The following ANO6 variants were observed in gnomAD, a reference collection of about 807,000 sequenced individuals.
ANO6 encodes anoctamin-6.
ANO6 carries 106 observed loss-of-function variants against 117.5 expected under a neutral mutation model. That is an observed-to-expected ratio of 0.90 (90% CI 0.77 to 1.06). The LOEUF is 1.06. ANO6 is among the 50% of genes least tolerant of loss of function. The pLI, the probability that ANO6 is intolerant of heterozygous loss-of-function variation, is 0.00. For missense variants in ANO6, 955 were observed against 1,121.1 expected (o/e 0.85, Z 2.12); for synonymous variants, 367 against 385.1 (o/e 0.95, Z 0.55).
chr12:45,299,575 G>T (rs1033438703), intron 1 of ANO6, among the ~76,000 whole-genome samples: 1 of 152,116 alleles, frequency 6.6e-6, no homozygotes, highest in African/African-American at 2.4e-5. Flanking sequence ...AATCCAGGCC[G>T]GAAGCGGTGA....
At chr12:45,222,565 A>G (rs1211145301) in intron 1 of ANO6, among the ~76,000 whole-genome samples, 1 of 152,164 alleles carries the variant, frequency 6.6e-6, no homozygotes, top group Non-Finnish European at 1.5e-5. Context: ...GCTTATAACT[A>G]CCATAACTCT....
At chr12:45,349,861 T>C (rs1362778043) in intron 6 of ANO6, among the ~76,000 whole-genome samples, 1 of 152,222 alleles carries the variant, frequency 6.6e-6, no homozygotes, top group Non-Finnish European at 1.5e-5. Context: ...CACTTGCAAA[T>C]AGCTGTCACG....
At chr12:45,367,972 A>G (rs1941729082) in intron 9 of ANO6, among the ~76,000 whole-genome samples, 179 bp downstream of exon 9, 2 of 152,232 alleles carry the variant, frequency 1.3e-5, no homozygotes, top group Non-Finnish European at 1.5e-5. Flanking sequence ...ACAAATAATA[A>G]AATTGTGATT....
At chr12:45,351,766 C>T (rs7971106) in intron 7 of ANO6, among the ~76,000 whole-genome samples, 4,928 of 152,170 alleles carry the variant, frequency 0.032, 242 homozygotes, top group African/African-American at 0.11. Flanking sequence ...AGAAACAGAG[C>T]AAGACATGAA....
chr12:45,220,362 A>T (rs577697475), intron 1 of ANO6, among the ~76,000 whole-genome samples: 1 of 152,300 alleles, frequency 6.6e-6, no homozygotes, highest in East Asian at 1.9e-4. Flanking sequence ...TTGAGAGATA[A>T]TGATCCAGCT....
chr12:45,359,717 T>G (rs1342363016), intron 8 of ANO6, among the ~76,000 whole-genome samples: 1 of 152,252 alleles, frequency 6.6e-6, no homozygotes, highest in Admixed American at 6.5e-5. Flanking sequence ...GTTTCTACTC[T>G]TTGGTTATTA....
intron 1 of ANO6, among the ~76,000 whole-genome samples, chr12:45,286,920 G>A (rs1336644681): frequency 6.6e-6 from 1 of 152,116 alleles, no homozygotes; most frequent in Non-Finnish European, 1.5e-5. Context: ...TCTGGGATTT[G>A]CATTCAGGTC....
intron 3 of ANO6, among the ~76,000 whole-genome samples, chr12:45,342,556 A>G (rs1592989648): frequency 6.6e-6 from 1 of 152,294 alleles, no homozygotes; most frequent in East Asian, 1.9e-4. Context: ...TGTAATAGCC[A>G]TAAGTAAAAG....
intron 8 of ANO6, among the ~76,000 whole-genome samples, chr12:45,365,260 G>T (rs540513388): frequency 6.6e-6 from 1 of 152,290 alleles, no homozygotes; most frequent in African/African-American, 2.4e-5. Context: ...AGGGATTAAG[G>T]TTTTCTCATG....
intron 9 of ANO6, among the ~76,000 whole-genome samples, chr12:45,374,143 A>G (rs566751266): frequency 2.7e-4 from 39 of 144,090 alleles, no homozygotes; most frequent in African/African-American, 9.3e-4. Context: ...CTCTCCCAAG[A>G]CTAAACCAGG....
intron 8 of ANO6, among the ~76,000 whole-genome samples, chr12:45,360,164 T>A (rs368870492): frequency 1.3e-5 from 2 of 152,240 alleles, no homozygotes; most frequent in African/African-American, 4.8e-5. Flanking sequence ...AAGTCTCTTA[T>A]TGGATATTGT....
intron 15 of ANO6, among the ~76,000 whole-genome samples, chr12:45,406,336 A>G (rs1942934295): frequency 6.6e-6 from 1 of 152,168 alleles, no homozygotes; most frequent in South Asian, 2.1e-4. Flanking sequence ...GCTCCACCTT[A>G]GTGTTTTGAT....
At chr12:45,341,151 C>G (rs1338237825) in intron 3 of ANO6, among the ~76,000 whole-genome samples, 2 of 152,138 alleles carry the variant, frequency 1.3e-5, no homozygotes, top group African/African-American at 2.4e-5. Flanking sequence ...CAAGGTCTAC[C>G]AATTATCCTG....
intron 3 of ANO6, among the ~76,000 whole-genome samples, chr12:45,333,237 T>A (rs1465981091): frequency 6.6e-6 from 1 of 152,078 alleles, no homozygotes; most frequent in Non-Finnish European, 1.5e-5. Flanking sequence ...GGGATTTTCT[T>A]AAAATAATGC....
chr12:45,388,021 T>C, intron 10 of ANO6, 140 bp from the exon 11 acceptor site: 1 of 1,136,262 alleles, frequency 8.8e-7, no homozygotes, highest in Non-Finnish European at 1.3e-6. Flanking sequence ...CTTTCCTTTA[T>C]GAATTACCCA....
intron 12 of ANO6, among the ~76,000 whole-genome samples, chr12:45,397,325 A>G (rs11183011): frequency 0.056 from 8,495 of 152,246 alleles, 478 homozygotes; most frequent in East Asian, 0.32. Flanking sequence ...GATCATTAAA[A>G]AGTCAGGAAA....
intron 2 of ANO6, among the ~76,000 whole-genome samples, chr12:45,327,492 G>C (rs1461013512): frequency 2.0e-5 from 3 of 152,222 alleles, no homozygotes; most frequent in Non-Finnish European, 4.4e-5. Flanking sequence ...TTGCAGCAGT[G>C]TTTATAAAGG....
At chr12:45,439,990 G>C (rs548332624) in exon 20 of ANO6, 1 of 1,429,716 alleles carries the variant, frequency 7.0e-7, no homozygotes, top group East Asian at 2.5e-5. Context: ...TATGTGGCCA[G>C]CATTGTTTCA....
chr12:45,237,386 G>T (rs1169471669), intron 1 of ANO6, among the ~76,000 whole-genome samples: 4 of 152,152 alleles, frequency 2.6e-5, no homozygotes, highest in Non-Finnish European at 4.4e-5. Context: ...AATCCATCTT[G>T]AATTAATTTT....
Sources: allele counts gnomAD v4.1 joint callset (sites outside exome capture counted in the v4.1 genomes callset), GRCh38; gene constraint gnomAD v4.1.1; transcripts MANE v1.5; gene names NCBI Gene and HGNC (gene_info 2026-07-23, HGNC 2026-07-21).